The following KCNH6 variants were observed in gnomAD, a reference collection of about 807,000 sequenced individuals.
KCNH6 encodes potassium voltage-gated channel subfamily H member 6.
Under a neutral mutation model 83.4 loss-of-function variants are expected in KCNH6, and 81 were observed. The observed-to-expected ratio is 0.97, with a 90% CI of 0.81 to 1.17. The LOEUF is 1.17. Among genes scored for constraint, KCNH6 ranks in the 50% most tolerant of loss-of-function variants. The pLI is 0.00. For missense variants in KCNH6, 1,203 were observed against 1,290.5 expected (o/e 0.93, Z 1.04); for synonymous variants, 503 against 545.6 (o/e 0.92, Z 1.09).
intron 4 of KCNH6, among the ~76,000 whole-genome samples, chr17:63,531,339 G>A (rs1336791548): frequency 6.6e-6 from 1 of 152,266 alleles, no homozygotes; most frequent in Admixed American, 6.5e-5. Context: ...TTCATCTGCA[G>A]GAGAGAGATG....
intron 6 of KCNH6, among the ~76,000 whole-genome samples, chr17:63,537,812 CTTCT>C (rs1369420845): frequency 2.0e-5 from 3 of 152,162 alleles, no homozygotes; most frequent in African/African-American, 7.2e-5. Flanking sequence ...CATTGCCTTC[CTTCT>C]TTCTTCTCGG....
At chr17:63,545,466 G>A in intron 12 of KCNH6, 143 bp from the exon 13 acceptor site, 3 of 991,788 alleles carry the variant, frequency 3.0e-6, no homozygotes, top group Non-Finnish European at 4.4e-6. Flanking sequence ...TGTGACTCCA[G>A]AGCCTGCAGC....
chr17:63,547,405 T>G (rs1259085913), downstream of KCNH6, among the ~76,000 whole-genome samples: 1 of 152,280 alleles, frequency 6.6e-6, no homozygotes, highest in Admixed American at 6.5e-5. Context: ...TGTCTCAAAA[T>G]GAAAATTTTA....
At position 63,545,817 on chromosome 17, in the gene KCNH6, C is replaced by T; in HGVS notation, c.2792C>T (p.Pro931Leu). ...LICGPCFSSL[P>L]EHLGSVPKQL... ...TGTGGTCCCTGCTTCTCCTCCCTCC[C>T]TGAACACCTTGGCTCTGTTCCCAAG... is the stretch of plus-strand genomic sequence containing the variant. Residue 931 changes from proline to leucine, a missense_variant, in exon 13 of 13, where the codon CCT becomes CTT. Transcript: ENST00000314672. The T allele has an allele frequency of 6.2e-7, 1 of 1,614,150 alleles. No homozygotes were observed. The highest frequency in any genetic ancestry group is 8.5e-7 in the Non-Finnish European group (1 of 1,180,018).
intron 4 of KCNH6, 101 bp downstream of exon 4, chr17:63,530,643 A>G (rs2032044433): frequency 9.8e-7 from 1 of 1,017,006 alleles, no homozygotes; most frequent in South Asian, 1.4e-5. Context: ...GCCGATAAAG[A>G]GATCCTGCCT....
intron 4 of KCNH6, among the ~76,000 whole-genome samples, chr17:63,532,950 C>T (rs1362969791): frequency 6.6e-6 from 1 of 152,184 alleles, no homozygotes; most frequent in Non-Finnish European, 1.5e-5. Flanking sequence ...TCCTCACTAC[C>T]CATGGCTTTT....
rs2032610835 is a variant in KCNH6, at chr17:63,538,048, C to G, written c.1502-17C>G. The G allele has an allele frequency of 1.9e-6, 3 of 1,610,142 alleles. No homozygotes were observed. The East Asian group carries it at 6.7e-5, about 36-fold the overall frequency. ...CAGTGGGGCCGCGGAGGAGCTCACT[C>G]TCCGCCCCGCCCCCAGCCCTGATGT... On this transcript the variant is annotated splice_polypyrimidine_tract_variant and intron_variant, in intron 6 of 12. Coordinates refer to ENST00000314672, the MANE Select transcript of KCNH6 (RefSeq NM_001278919.2). The surrounding 1 kb of genome is among the most constrained non-coding windows in gnomAD (Gnocchi z 4.0).
chr17:63,530,580 A>G, intron 4 of KCNH6, 38 bp downstream of exon 4: 4 of 1,593,728 alleles, frequency 2.5e-6, no homozygotes, highest in Non-Finnish European at 3.4e-6. Context: ...GAGCTGTGCC[A>G]GGCCTCCAGG....
In KCNH6 at chr17:63,543,927, G is replaced by GCCA. The variant is rs2033011097; in HGVS notation, c.2233+267_2233+268insCCA. The GCCA allele has an allele frequency of 8.0e-6, 6 of 746,858 alleles. No individual in the cohort carries two copies. In the East Asian group the frequency reaches 1.6e-4, roughly 20 times the overall value. The allele number at this position is 746,858 out of a possible 1,614,324, so 46.3% of individuals were successfully genotyped here. A position where few individuals can be genotyped will look rare whatever the true frequency, so the allele number is the denominator to read the frequency against. On this transcript the variant is annotated intron_variant, in intron 10 of 12. Coordinates refer to ENST00000314672, the MANE Select transcript of KCNH6 (RefSeq NM_001278919.2). Reference sequence around the variant, plus strand: ...GTATGGAGACTAGCCAGCCCCCTGAGGTTCCACACCAAGGCATCAGGGGGG... The same window carrying GCCA: ...GTATGGAGACTAGCCAGCCCCCTGAGCCAGTTCCACACCAAGGCATCAGGGGGG...
In KCNH6 at chr17:63,533,852, C is replaced by T. The variant is rs1296932659; in HGVS notation, c.676-34C>T. On this transcript the variant is annotated intron_variant, in intron 4 of 12. Coordinates refer to ENST00000314672, the MANE Select transcript of KCNH6 (RefSeq NM_001278919.2). The surrounding 1 kb of genome is among the most constrained non-coding windows in gnomAD (Gnocchi z 4.1). ...GGCCAGTCTCACCAGCAGTGGCTGC[C>T]CCGTGCCTGACCTCCCTCGGCCCCC... 12 of 1,588,894 alleles carry T rather than the reference C, an allele frequency of 7.6e-6. No individual in the cohort carries two copies. The highest frequency in any genetic ancestry group is 6.7e-5 in the African/African-American group (5 of 74,684).
At chr17:63,527,648 G>A (rs1183339099) in intron 2 of KCNH6, among the ~76,000 whole-genome samples, 2 of 152,198 alleles carry the variant, frequency 1.3e-5, no homozygotes, top group African/African-American at 4.8e-5. Flanking sequence ...AGAGACTGTG[G>A]CTCCTCCTCC....
Position 63,535,219 on chromosome 17 carries a change from C to T in KCNH6, c.1102-450C>T, listed in dbSNP as rs963500941. Among the ~76,000 whole-genome samples the T allele has an allele frequency of 7.2e-5, 11 of 152,208 alleles. No individual in the cohort carries two copies. The highest frequency in any genetic ancestry group is 2.7e-4 in the African/African-American group (11 of 41,460). On this transcript the variant is annotated intron_variant, in intron 5 of 12. Coordinates refer to ENST00000314672, the MANE Select transcript of KCNH6 (RefSeq NM_001278919.2). The surrounding 1 kb of genome is among the most constrained non-coding windows in gnomAD (Gnocchi z 4.9). ...CTTCCCAGGCACGGCTCTCACTGCT[C>T]CTCCATCTCCCATGTGCGCATCGGG...
At position 63,538,532 on chromosome 17, in the gene KCNH6, C is replaced by G. The variant is rs1464087893; in HGVS notation, c.1824C>G (p.Val608=). 1.2e-5 allele frequency: 20 copies of G among 1,609,436 alleles called. No homozygotes were observed. Among genetic ancestry groups the G allele is most frequent in the Non-Finnish European group, 1.7e-5 (20 of 1,178,266 alleles). Residue 608 remains valine, a synonymous_variant, in exon 8 of 13, where the codon GTC becomes GTG. Transcript: ENST00000314672. This position sits in a 1 kb window ranked among gnomAD's most constrained non-coding sequence, Gnocchi z 4.0. The part of the protein sequence containing the change: ...AGKGCLRALA[V]KFKTTHAPPG... Reference sequence around the variant, plus strand: ...AGGGCTGCCTGCGCGCGCTAGCCGTCAAGTTCAAGACCACCCACGCGCCGC... The same window carrying G: ...AGGGCTGCCTGCGCGCGCTAGCCGTGAAGTTCAAGACCACCCACGCGCCGC...
At chr17:63,525,738 G>A (rs1229235028) in intron 2 of KCNH6, among the ~76,000 whole-genome samples, 3 of 152,170 alleles carry the variant, frequency 2.0e-5, no homozygotes, top group African/African-American at 4.8e-5. Flanking sequence ...AACAGGCAGC[G>A]GCAGCCAGGA....
rs1307710506 is a variant in KCNH6 at position 63,536,063 on chromosome 17, T to C, written c.1496T>C (p.Ile499Thr). ...EKVFSICVMLIGSLMYASIFG... is the reference protein window; with the variant it reads ...EKVFSICVMLTGSLMYASIFG... Reference sequence around the variant, plus strand: ...GTCTTCTCCATCTGCGTCATGCTCATCGGCTGTGAGTGAGACCTCATGCCA... The same window carrying C: ...GTCTTCTCCATCTGCGTCATGCTCACCGGCTGTGAGTGAGACCTCATGCCA... The change falls in exon 6 of 13, where the codon ATC becomes ACC. Residue 499 changes from isoleucine to threonine, a missense_variant. Coordinates refer to ENST00000314672, the MANE Select transcript of KCNH6 (RefSeq NM_001278919.2). 1 of 1,612,858 alleles carries C rather than the reference T, an allele frequency of 6.2e-7. No homozygotes were observed. Among genetic ancestry groups the C allele is most frequent in the South Asian group, 1.1e-5 (1 of 91,038 alleles).
Position 63,535,048 on chromosome 17 carries a change from C to G in KCNH6, c.1102-621C>G, listed in dbSNP as rs1042946480. On this transcript the variant is annotated intron_variant, in intron 5 of 12. Transcript: ENST00000314672. This position sits in a 1 kb window ranked among gnomAD's most constrained non-coding sequence, Gnocchi z 4.9. ...TCCACACAGCTGCCACAGCGACTTT[C>G]AGATCGCCTACCTGACCCTGTGTTC... is the stretch of plus-strand genomic sequence containing the variant. 6.6e-6 allele frequency among the ~76,000 whole-genome samples: 1 copy of G among 152,186 alleles called. No homozygotes were observed. Among genetic ancestry groups the G allele is most frequent in the African/African-American group, 2.4e-5 (1 of 41,444 alleles).
intron 8 of KCNH6, among the ~76,000 whole-genome samples, chr17:63,539,340 G>A (rs1268463750): frequency 2.0e-5 from 3 of 151,968 alleles, no homozygotes; most frequent in African/African-American, 7.3e-5. Context: ...CTCCCCCTCT[G>A]CTTCCTCTGG....
At position 63,533,015 on chromosome 17, in the gene KCNH6, A is replaced by G. The variant is rs1568072277; in HGVS notation, c.676-871A>G. Among the ~76,000 whole-genome samples, 1 of 152,198 alleles carries G rather than the reference A, an allele frequency of 6.6e-6. No homozygotes were observed. On this transcript the variant is annotated intron_variant, in intron 4 of 12. Transcript: ENST00000314672. The surrounding 1 kb of genome is among the most constrained non-coding windows in gnomAD (Gnocchi z 4.1). ...GAGGGAACTGAGGCTCACAGAGGTT[A>G]CAAAACTTGCCCAAGGCTCACCTAT...
Position 63,538,760 on chromosome 17 carries a change from A to AT in KCNH6, c.1954+102dup. ...CCAGGCCACCCTCTTCCTGATGAGG[A>AT]TTTTACTTTTACTGGCAGCCACTTG... On this transcript the variant is annotated intron_variant, in intron 8 of 12. Coordinates refer to ENST00000314672, the MANE Select transcript of KCNH6 (RefSeq NM_001278919.2). This position sits in a 1 kb window ranked among gnomAD's most constrained non-coding sequence, Gnocchi z 4.0. The AT allele has an allele frequency of 7.6e-7, 1 of 1,309,288 alleles. No homozygotes were observed. The highest frequency in any genetic ancestry group is 1.5e-5 in the South Asian group (1 of 67,110). 81.1% of individuals were successfully genotyped at this position (1,309,288 alleles called of 1,614,324 possible).
Sources: allele counts gnomAD v4.1 joint callset (sites outside exome capture counted in the v4.1 genomes callset), GRCh38; gene constraint gnomAD v4.1.1; non-coding constraint Gnocchi (gnomAD v3.1); transcripts MANE v1.5; gene names NCBI Gene and HGNC (gene_info 2026-07-23, HGNC 2026-07-21).